The following CNBD1 variants were observed in gnomAD, a reference collection of about 807,000 sequenced individuals.
The protein encoded by CNBD1 is cyclic nucleotide-binding domain-containing protein 1.
CNBD1 carries 71 observed loss-of-function variants against 54.4 expected under a neutral mutation model. The observed-to-expected ratio is 1.30, with a 90% confidence interval of 1.08 to 1.59. The LOEUF is 1.59. CNBD1 is among the 40% of genes most tolerant of loss of function. The pLI is 0.00. For missense variants in CNBD1, 659 were observed against 518.0 expected (o/e 1.27, Z -2.64); for synonymous variants, 182 against 170.7 (o/e 1.07, Z -0.51).
chr8:86,868,915 T>G (rs1308176564), intron 1 of CNBD1, among the ~76,000 whole-genome samples: 1 of 150,088 alleles, frequency 6.7e-6, no homozygotes, highest in Non-Finnish European at 1.5e-5. Flanking sequence ...GCCACAATTG[T>G]GAGAGCCCTT....
At chr8:87,230,018 C>A (rs954096105) in intron 5 of CNBD1, among the ~76,000 whole-genome samples, 1 of 151,968 alleles carries the variant, frequency 6.6e-6, no homozygotes, top group African/African-American at 2.4e-5. Context: ...AGCCATGATG[C>A]TGGCATCTGC....
intron 8 of CNBD1, among the ~76,000 whole-genome samples, chr8:87,296,382 G>A (rs1311363561): frequency 6.6e-6 from 1 of 152,026 alleles, no homozygotes; most frequent in Non-Finnish European, 1.5e-5. Flanking sequence ...TAGTCAGTTA[G>A]GTATGTAGGG....
At chr8:87,290,286 A>T (rs1215282412) in intron 8 of CNBD1, among the ~76,000 whole-genome samples, 4 of 152,098 alleles carry the variant, frequency 2.6e-5, no homozygotes, top group African/African-American at 9.7e-5. Context: ...GGTTCATTAT[A>T]TTAGACATCA....
At chr8:87,281,178 A>G (rs1321363857) in intron 6 of CNBD1, among the ~76,000 whole-genome samples, 1 of 151,568 alleles carries the variant, frequency 6.6e-6, no homozygotes, top group Non-Finnish European at 1.5e-5. Context: ...AGGTATCAAA[A>G]CAACACATGT....
chr8:87,171,125 G>C (rs560744176), intron 4 of CNBD1, among the ~76,000 whole-genome samples: 3 of 152,072 alleles, frequency 2.0e-5, no homozygotes, highest in Admixed American at 6.6e-5. Context: ...AGTATTAATA[G>C]AATTCAGCAG....
In CNBD1 at chr8:86,956,326, T is replaced by G. The variant is rs548002170; in HGVS notation, c.431+16572T>G. Among the ~76,000 whole-genome samples the G allele has an allele frequency of 4.5e-4, 69 of 152,318 alleles. 1 individual carries two copies. Among genetic ancestry groups the G allele is most frequent in the Non-Finnish European group, 7.5e-4 (51 of 68,032 alleles). The stretch of plus-strand genomic sequence containing the variant: ...CTTGGCTATGTGTGCTCTTTTTTGG[T>G]TCCATATCAACTTTAAAGTAGTTTT... On this transcript the variant is annotated intron_variant, in intron 4 of 10. Transcript: ENST00000518476.
intron 5 of CNBD1, among the ~76,000 whole-genome samples, chr8:87,213,514 G>C (rs1166052368): frequency 6.6e-6 from 1 of 152,136 alleles, no homozygotes; most frequent in Non-Finnish European, 1.5e-5. Context: ...AGTGAAAGGA[G>C]AAACCCGTTA....
chr8:87,184,248 G>T (rs1197652276), intron 4 of CNBD1, among the ~76,000 whole-genome samples: 1 of 152,278 alleles, frequency 6.6e-6, no homozygotes, highest in Admixed American at 6.5e-5. Flanking sequence ...CATGGCTGAC[G>T]GCAAACTTTT....
chr8:87,377,194 C>A (rs191352694), intron 10 of CNBD1, among the ~76,000 whole-genome samples: 1 of 149,600 alleles, frequency 6.7e-6, no homozygotes, highest in African/African-American at 2.5e-5. Flanking sequence ...GGTACATGTG[C>A]ACATTGTGCA....
At chr8:87,030,359 G>A (rs79106287) in intron 4 of CNBD1, among the ~76,000 whole-genome samples, 4,350 of 152,192 alleles carry the variant, frequency 0.029, 198 homozygotes, top group African/African-American at 0.1. Context: ...TAAAACAGAA[G>A]ATACTCTTGG....
At chr8:86,930,207 G>T (rs1809432536) in intron 3 of CNBD1, among the ~76,000 whole-genome samples, 1 of 152,226 alleles carries the variant, frequency 6.6e-6, no homozygotes, top group Non-Finnish European at 1.5e-5. Flanking sequence ...GCAAGGACAA[G>T]CCAGTATAGG....
chr8:87,000,820 A>T lies in CNBD1; in HGVS notation c.431+61066A>T, dbSNP rs75274416. ...CACCCTAGCTATTTCTCTCCTTTGT[A>T]GGTAATTTGCTTTTGCTACCTATAT... On this transcript the variant is annotated intron_variant, in intron 4 of 10. Coordinates refer to ENST00000518476, the MANE Select transcript of CNBD1 (RefSeq NM_173538.3). Among the ~76,000 whole-genome samples, 279 of 152,172 alleles carry T rather than the reference A, an allele frequency of 1.8e-3. 9 individuals are homozygous for T. In the East Asian group the frequency reaches 0.05, roughly 27 times the overall value.
At chr8:86,991,246 T>C (rs1330106427) in intron 4 of CNBD1, among the ~76,000 whole-genome samples, 1 of 152,156 alleles carries the variant, frequency 6.6e-6, no homozygotes, top group Non-Finnish European at 1.5e-5. Flanking sequence ...TGGGCATCCT[T>C]TCATATTCCA....
At chr8:87,102,259 G>A (rs1489674157) in intron 4 of CNBD1, among the ~76,000 whole-genome samples, 2 of 152,096 alleles carry the variant, frequency 1.3e-5, no homozygotes, top group African/African-American at 4.8e-5. Flanking sequence ...GAGACTTGGA[G>A]GTCTCTGAGT....
chr8:87,117,056 G>T (rs1304053346), intron 4 of CNBD1, among the ~76,000 whole-genome samples: 2 of 152,084 alleles, frequency 1.3e-5, no homozygotes, highest in Admixed American at 6.6e-5. Flanking sequence ...GAAATAAATA[G>T]CTTTGAATGG....
In CNBD1 at chr8:87,322,300, G is replaced by C. The variant is rs866237820; in HGVS notation, c.1043-29385G>C. Among the ~76,000 whole-genome samples the C allele has an allele frequency of 3.1e-3, 370 of 121,078 alleles. 13 individuals are homozygous for C. Among genetic ancestry groups the C allele is most frequent in the African/African-American group, 0.011 (340 of 32,108 alleles). The allele number at this position is 121,078 out of a possible 152,430, so 79.4% of individuals were successfully genotyped here. On this transcript the variant is annotated intron_variant, in intron 8 of 10. Coordinates refer to ENST00000518476, the MANE Select transcript of CNBD1 (RefSeq NM_173538.3). ...TGTCTTTACAGCAGCATGATTTATA[G>C]TCATTTGGGTATATACCCAGTAATG...
At chr8:86,980,480 GA>G (rs150302254) in intron 4 of CNBD1, among the ~76,000 whole-genome samples, 3,819 of 152,256 alleles carry the variant, frequency 0.025, 78 homozygotes, top group South Asian at 0.042. Context: ...AACATATTTC[GA>G]GAAAGCATAC....
In CNBD1 at chr8:86,866,651, T is replaced by C. The variant is rs930093849; in HGVS notation, c.88+68T>C. 64 of 1,221,022 alleles carry C rather than the reference T, an allele frequency of 5.2e-5. No homozygotes were observed. The African/African-American group carries it at 8.9e-4, about 17-fold the overall frequency. The allele number at this position is 1,221,022 out of a possible 1,614,324, so 75.6% of individuals were successfully genotyped here. On this transcript the variant is annotated intron_variant, in intron 1 of 10. Coordinates refer to ENST00000518476, the MANE Select transcript of CNBD1 (RefSeq NM_173538.3). ...TTTTCAGCGGTTCTTACCCCAGCTA[T>C]GAAAATTGGGGGTATTTCAGGGTTG... is the stretch of plus-strand genomic sequence containing the variant.
chr8:87,133,212 T>C (rs1042432527), intron 4 of CNBD1, among the ~76,000 whole-genome samples: 1 of 152,190 alleles, frequency 6.6e-6, no homozygotes, highest in African/African-American at 2.4e-5. Context: ...AAAATTCCTT[T>C]CTGCCAGTTC....
Sources: gnomAD v4.1 joint callset for allele counts (sites outside exome capture counted in the v4.1 genomes callset) on GRCh38, gnomAD v4.1.1 for gene constraint, MANE v1.5 for transcripts, NCBI Gene and HGNC (gene_info 2026-07-23, HGNC 2026-07-21) for gene names.